Variants in SLC39A8 observed in about 807,000 individuals in gnomAD.
SLC39A8 encodes the protein solute carrier family 39 member 8.
In SLC39A8, 15 loss-of-function variants were observed where a neutral mutation model predicts 40.4. That is an observed-to-expected ratio of 0.37 (90% confidence interval 0.25 to 0.57). SLC39A8 has a LOEUF of 0.57. Ranked by LOEUF, SLC39A8 falls within the 20% of genes least tolerant of loss-of-function variation. The pLI is 0.75. For missense variants in SLC39A8, 472 were observed against 558.8 expected (o/e 0.84, Z 1.57); for synonymous variants, 223 against 221.6 (o/e 1.01, Z -0.06).
chr4:102,261,947 CTCTG>C lies in SLC39A8; in HGVS notation c.*1093_*1096del. On this transcript the variant is annotated 3_prime_UTR_variant, in exon 9 of 9. Transcript: ENST00000356736. ...TCTATCTTCTAAATGAGTAAACAGG[CTCTG>C]TCTTTTATAAAAGGTAGAAAAATAA... 7.1e-6 allele frequency: 7 copies of C among 985,788 alleles called. No individual in the cohort carries two copies. Among genetic ancestry groups the C allele is most frequent in the Non-Finnish European group, 8.4e-6 (7 of 829,886 alleles). The allele number at this position is 985,788 out of a possible 1,614,324, so 61.1% of individuals were successfully genotyped here. A position where few individuals can be genotyped will look rare whatever the true frequency, so the allele number is the denominator to read the frequency against.
Position 102,308,097 on chromosome 4 carries a change from C to T in SLC39A8, c.383-492G>A, listed in dbSNP as rs1017165455. Among the ~76,000 whole-genome samples, 5 of 152,044 alleles carry T rather than the reference C, an allele frequency of 3.3e-5. No individual in the cohort carries two copies. The East Asian group carries it at 7.8e-4, about 24-fold the overall frequency. ...GCTTCAAGGTGACCATAGCTGCTAACACTGAGTTTGTCACAATCATTTGTC... is the reference window on the plus strand; with the variant it reads ...GCTTCAAGGTGACCATAGCTGCTAATACTGAGTTTGTCACAATCATTTGTC... On this transcript the variant is annotated intron_variant, in intron 3 of 8. Transcript: ENST00000356736.
At chr4:102,342,592 C>T (rs972627008) in intron 2 of SLC39A8, among the ~76,000 whole-genome samples, 1 of 152,014 alleles carries the variant, frequency 6.6e-6, no homozygotes, top group Admixed American at 6.5e-5. Context: ...TAATTATGGG[C>T]TTCTTCCTGT....
intron 3 of SLC39A8, among the ~76,000 whole-genome samples, chr4:102,309,268 AG>A (rs1734322410): frequency 6.6e-6 from 1 of 152,048 alleles, no homozygotes; most frequent in African/African-American, 2.4e-5. Context: ...AGTGATACAA[AG>A]TCACCTGTGC....
intron 8 of SLC39A8, among the ~76,000 whole-genome samples, chr4:102,264,890 G>T (rs1327789002): frequency 6.6e-6 from 1 of 152,196 alleles, no homozygotes; most frequent in Non-Finnish European, 1.5e-5. Flanking sequence ...AGCCATCATA[G>T]AATTGAAGAG....
intron 6 of SLC39A8, among the ~76,000 whole-genome samples, chr4:102,288,358 TC>T (rs776108121): frequency 1.4e-4 from 21 of 152,204 alleles, no homozygotes; most frequent in Non-Finnish European, 1.2e-4. Flanking sequence ...TTCTGACTGC[TC>T]CGGTGACCAG....
intron 6 of SLC39A8, among the ~76,000 whole-genome samples, chr4:102,280,428 T>C (rs1732819189): frequency 6.6e-6 from 1 of 152,226 alleles, no homozygotes; most frequent in African/African-American, 2.4e-5. Flanking sequence ...TATATACTGT[T>C]AAATAAGTTT....
exon 12 of SLC39A8, chr4:102,251,663 G>A (rs1294167310): frequency 6.6e-6 from 1 of 152,266 alleles, no homozygotes; most frequent in Non-Finnish European, 1.5e-5. Context: ...TGCAGTGAGA[G>A]TCAATCGCTT....
intron 2 of SLC39A8, among the ~76,000 whole-genome samples, chr4:102,327,892 C>A (rs189346079): frequency 3.9e-5 from 6 of 152,270 alleles, no homozygotes; most frequent in African/African-American, 1.2e-4. Flanking sequence ...AATATTCCAG[C>A]CATAAGTTTT....
intron 6 of SLC39A8, among the ~76,000 whole-genome samples, chr4:102,268,730 T>C (rs547294205): frequency 3.9e-5 from 6 of 152,316 alleles, no homozygotes; most frequent in Non-Finnish European, 7.4e-5. Context: ...TCTTAACAAA[T>C]TGCATGAAGT....
intron 2 of SLC39A8, among the ~76,000 whole-genome samples, chr4:102,343,608 C>T (rs1270456058): frequency 1.3e-5 from 2 of 152,156 alleles, no homozygotes; most frequent in Non-Finnish European, 2.9e-5. Flanking sequence ...AGAAACTACA[C>T]TTTGTCTACT....
At chr4:102,308,822 T>A (rs1734301239) in intron 3 of SLC39A8, among the ~76,000 whole-genome samples, 1 of 152,080 alleles carries the variant, frequency 6.6e-6, no homozygotes, top group South Asian at 2.1e-4. Flanking sequence ...TGCTAAGTGA[T>A]CAACATATGT....
At chr4:102,291,605 A>G (rs1733445601) in intron 6 of SLC39A8, among the ~76,000 whole-genome samples, 2 of 152,028 alleles carry the variant, frequency 1.3e-5, no homozygotes. Flanking sequence ...GGGTTCCTGT[A>G]TTCACAGCTA....
intron 6 of SLC39A8, among the ~76,000 whole-genome samples, chr4:102,303,747 AG>A (rs1332021388): frequency 4.0e-5 from 6 of 151,818 alleles, no homozygotes; most frequent in African/African-American, 1.4e-4. Context: ...CTAATACATA[AG>A]AAATAATCCC....
rs748146004 is a variant in SLC39A8 at position 102,263,103 on chromosome 4, T to C, written c.1324A>G (p.Thr442Ala). Reference sequence around the variant, plus strand: ...ATGAGTAGAATGGCTGTGAATCCAGTTAACATTCCAGCATTCTGAATCATG... The same window carrying C: ...ATGAGTAGAATGGCTGTGAATCCAGCTAACATTCCAGCATTCTGAATCATG... The part of the protein sequence containing the change: ...FFMIQNAGML[T>A]GFTAILLITL... The change falls in exon 9 of 9, where the codon ACT becomes GCT. Residue 442 changes from threonine (T) to alanine (A), a missense_variant. By Grantham distance (58) the Thr-to-Ala change is moderately conservative. Transcript: ENST00000356736. 15 of 1,613,812 alleles carry C rather than the reference T, an allele frequency of 9.3e-6. No homozygotes were observed. Among genetic ancestry groups the C allele is most frequent in the Non-Finnish European group, 1.2e-5 (14 of 1,179,756 alleles).
chr4:102,343,509 G>A (rs1054667681), intron 2 of SLC39A8, among the ~76,000 whole-genome samples: 3 of 152,166 alleles, frequency 2.0e-5, no homozygotes, highest in African/African-American at 7.2e-5. Context: ...TCCAATATCA[G>A]CTGTCAGTGG....
At chr4:102,274,742 A>G (rs1036832723) in intron 6 of SLC39A8, among the ~76,000 whole-genome samples, 2 of 152,200 alleles carry the variant, frequency 1.3e-5, no homozygotes, top group Non-Finnish European at 2.9e-5. Context: ...CATCAGACTA[A>G]CAGCGGCTCT....
chr4:102,319,880 C>T (rs1378117753), intron 2 of SLC39A8, among the ~76,000 whole-genome samples: 1 of 151,864 alleles, frequency 6.6e-6, no homozygotes, highest in African/African-American at 2.4e-5. Flanking sequence ...GATTGCCCTC[C>T]CCAGTGTGAG....
chr4:102,314,413 C>T (rs1734570795), intron 3 of SLC39A8, among the ~76,000 whole-genome samples: 1 of 152,032 alleles, frequency 6.6e-6, no homozygotes, highest in South Asian at 2.1e-4. Context: ...TCACAGCATT[C>T]CCCTGTTTAG....
intron 2 of SLC39A8, among the ~76,000 whole-genome samples, chr4:102,333,794 T>C (rs1434682377): frequency 2.6e-5 from 4 of 152,090 alleles, no homozygotes; most frequent in Non-Finnish European, 2.9e-5. Flanking sequence ...CTTGAAGATA[T>C]ACAGAAAGAG....
Sources: allele counts gnomAD v4.1 joint callset (sites outside exome capture counted in the v4.1 genomes callset), GRCh38; gene constraint gnomAD v4.1.1; transcripts MANE v1.5; gene names NCBI Gene and HGNC (gene_info 2026-07-23, HGNC 2026-07-21).